The following KCND3 variants were observed in gnomAD, a reference collection of about 807,000 sequenced individuals.
KCND3 encodes the protein A-type voltage-gated potassium channel KCND3.
KCND3 carries 9 observed loss-of-function variants against 51.1 expected under a neutral mutation model. That is an observed-to-expected ratio of 0.18 (90% CI 0.11 to 0.31). The LOEUF is 0.31. KCND3 is among the 10% of genes least tolerant of loss of function. The probability of loss-of-function intolerance (pLI) is 1.00; values close to 1 mark genes in which losing one functional copy is unlikely to be tolerated. For missense variants in KCND3, 526 were observed against 903.8 expected (o/e 0.58, Z 5.36); for synonymous variants, 349 against 368.0 (o/e 0.95, Z 0.59).
chr1:111,890,473 A>G (rs1283691683), intron 2 of KCND3, among the ~76,000 whole-genome samples: 1 of 152,176 alleles, frequency 6.6e-6, no homozygotes, highest in Non-Finnish European at 1.5e-5. Flanking sequence ...AGAAAATCAG[A>G]AGTTCAGTAT....
intron 2 of KCND3, among the ~76,000 whole-genome samples, chr1:111,863,950 G>T (rs1481922769): frequency 1.3e-5 from 2 of 152,124 alleles, no homozygotes; most frequent in African/African-American, 4.8e-5. Flanking sequence ...TAGACTTGAT[G>T]ATGATTGAAA....
chr1:111,925,762 C>T (rs56328799), intron 2 of KCND3, among the ~76,000 whole-genome samples: 10,175 of 152,170 alleles, frequency 0.067, 429 homozygotes, highest in Non-Finnish European at 0.098. Flanking sequence ...ATCAGGCCCT[C>T]CTATTGAAAG....
At chr1:111,868,738 A>G (rs1336768859) in intron 2 of KCND3, among the ~76,000 whole-genome samples, 2 of 152,072 alleles carry the variant, frequency 1.3e-5, no homozygotes, top group Non-Finnish European at 2.9e-5. Context: ...TGGGAATTTA[A>G]CTGTTTCTTT....
At chr1:111,815,331 C>T (rs77119321) in intron 2 of KCND3, among the ~76,000 whole-genome samples, 2,120 of 152,054 alleles carry the variant, frequency 0.014, 48 homozygotes, top group African/African-American at 0.047. Flanking sequence ...TCATCAGTCA[C>T]TTCCCTTCAT....
chr1:111,946,290 A>G (rs899650004), intron 2 of KCND3, among the ~76,000 whole-genome samples: 1 of 152,206 alleles, frequency 6.6e-6, no homozygotes, highest in Non-Finnish European at 1.5e-5. Context: ...AGGCTCCATA[A>G]TTCCTAGTCT....
intron 3 of KCND3, 97 bp downstream of exon 3, chr1:111,786,847 G>T: frequency 1.4e-6 from 2 of 1,439,952 alleles, no homozygotes; most frequent in Non-Finnish European, 1.9e-6. Context: ...GAGGCCATCT[G>T]TGCAGTGATC....
rs1663948082 is a variant in KCND3, at chr1:111,772,035, A to G, written c.*4042T>C. The stretch of plus-strand genomic sequence containing the variant: ...GAGCAGTGCAATATAATGTGGAGGA[A>G]AAATCCTAGGACAAGATGTCTTAAG... On this transcript the variant is annotated 3_prime_UTR_variant, in exon 8 of 8. Transcript: ENST00000302127. 6.6e-6 allele frequency: 1 copy of G among 152,194 alleles called. No homozygotes were observed. Among genetic ancestry groups the G allele is most frequent in the African/African-American group, 2.4e-5 (1 of 41,456 alleles). The allele number at this position is 152,194 out of a possible 1,614,324, so 9.4% of individuals were successfully genotyped here.
rs898355288 is a variant in KCND3, at chr1:111,772,581, C to T, written c.*3496G>A. The stretch of plus-strand genomic sequence containing the variant: ...AAAGACTCGTGTTCTGGTCTCAGAT[C>T]TGTCATTAAATAACTGCATGACCTT... On this transcript the variant is annotated 3_prime_UTR_variant, in exon 8 of 8. Coordinates refer to ENST00000302127, the MANE Select transcript of KCND3 (RefSeq NM_001378969.1). The T allele has an allele frequency of 2.0e-5, 3 of 152,240 alleles. No homozygotes were observed. Among genetic ancestry groups the T allele is most frequent in the African/African-American group, 7.2e-5 (3 of 41,458 alleles). 9.4% of individuals were successfully genotyped at this position (152,240 alleles called of 1,614,324 possible).
In KCND3 at chr1:111,773,789, T is replaced by C. The variant is rs143512826; in HGVS notation, c.*2288A>G. 4.6e-5 allele frequency: 7 copies of C among 152,348 alleles called. No individual in the cohort carries two copies. The East Asian group carries it at 1.3e-3, about 29-fold the overall frequency. 9.4% of individuals were successfully genotyped at this position (152,348 alleles called of 1,614,324 possible). On this transcript the variant is annotated 3_prime_UTR_variant, in exon 8 of 8. Coordinates refer to ENST00000302127, the MANE Select transcript of KCND3 (RefSeq NM_001378969.1). ...CATAACTAAGATACTTAGACACTCA[T>C]AATTTTGCTCTAGTACTCATTTTTT... is the stretch of plus-strand genomic sequence containing the variant.
At chr1:111,831,898 C>T (rs930496125) in intron 2 of KCND3, among the ~76,000 whole-genome samples, 25 of 152,214 alleles carry the variant, frequency 1.6e-4, no homozygotes, top group Admixed American at 1.4e-3. Context: ...TTCCCTTTGA[C>T]AGACTATAAT....
At chr1:111,870,859 A>G (rs1668798790) in intron 2 of KCND3, among the ~76,000 whole-genome samples, 1 of 152,256 alleles carries the variant, frequency 6.6e-6, no homozygotes, top group Admixed American at 6.5e-5. Context: ...TCAGACATAG[A>G]TCCTGTCCTG....
intron 2 of KCND3, among the ~76,000 whole-genome samples, chr1:111,857,520 G>C (rs1249897045): frequency 6.6e-6 from 1 of 152,172 alleles, no homozygotes; most frequent in Non-Finnish European, 1.5e-5. Flanking sequence ...TATGGGGGGT[G>C]TTGGCAACCC....
chr1:111,795,810 A>ATAAG (rs1273378229), intron 2 of KCND3, among the ~76,000 whole-genome samples: 1 of 152,244 alleles, frequency 6.6e-6, no homozygotes, highest in Non-Finnish European at 1.5e-5. Context: ...CCAACAGTGT[A>ATAAG]TAAGTGTTCC....
intron 2 of KCND3, among the ~76,000 whole-genome samples, chr1:111,880,919 C>T (rs1016432808): frequency 1.3e-5 from 2 of 152,154 alleles, no homozygotes; most frequent in African/African-American, 4.8e-5. Flanking sequence ...TCCGTCCCAG[C>T]CCCCTCCACT....
chr1:111,783,804 C>G (rs1664490328), intron 3 of KCND3, among the ~76,000 whole-genome samples: 1 of 151,228 alleles, frequency 6.6e-6, no homozygotes, highest in South Asian at 2.1e-4. Flanking sequence ...ACTGGTACAT[C>G]TGTACCATGG....
chr1:111,910,391 T>G (rs1288874413), intron 2 of KCND3: 3 of 152,234 alleles, frequency 2.0e-5, no homozygotes, highest in African/African-American at 7.2e-5. Flanking sequence ...GTGCCCGACA[T>G]TGAGCCCCTG....
At position 111,982,946 on chromosome 1, in the gene KCND3, G is replaced by C. The variant is rs1675051560; in HGVS notation, c.-72-148C>G. 1 of 653,904 alleles carries C rather than the reference G, an allele frequency of 1.5e-6. No individual in the cohort carries two copies. Among genetic ancestry groups the C allele is most frequent in the Non-Finnish European group, 2.6e-6 (1 of 382,250 alleles). 40.5% of individuals were successfully genotyped at this position (653,904 alleles called of 1,614,324 possible). ...AACTGAAATCCCCACCACAGAGAGG[G>C]GACTTGATTCTTTGCCATCCAGACA... is the stretch of plus-strand genomic sequence containing the variant. On this transcript the variant is annotated intron_variant, in intron 1 of 7. Coordinates refer to ENST00000302127, the MANE Select transcript of KCND3 (RefSeq NM_001378969.1). The surrounding 1 kb of genome is among the most constrained non-coding windows in gnomAD (Gnocchi z 8.5).
chr1:111,878,736 A>G (rs537353720), intron 2 of KCND3, among the ~76,000 whole-genome samples: 187 of 152,336 alleles, frequency 1.2e-3, no homozygotes, highest in Middle Eastern at 6.8e-3. Flanking sequence ...TAAGGGGTAG[A>G]GAATGCAGAG....
intron 2 of KCND3, among the ~76,000 whole-genome samples, chr1:111,829,409 A>T (rs1272294849): frequency 2.0e-5 from 3 of 152,158 alleles, no homozygotes; most frequent in Non-Finnish European, 4.4e-5. Context: ...GTAGATCATG[A>T]GGCCATGGTA....
Sources: allele counts gnomAD v4.1 joint callset (sites outside exome capture counted in the v4.1 genomes callset), GRCh38; gene constraint gnomAD v4.1.1; non-coding constraint Gnocchi (gnomAD v3.1); transcripts MANE v1.5; gene names NCBI Gene and HGNC (gene_info 2026-07-23, HGNC 2026-07-21).